TBC1D5: variants seen among roughly 807,000 people sequenced by gnomAD.
TBC1D5 encodes TBC1 domain family, member 5.
A neutral mutation model predicts 100.3 loss-of-function variants in TBC1D5; 75 were observed. That is an observed-to-expected ratio of 0.75 (90% confidence interval 0.62 to 0.91). The LOEUF (loss-of-function observed/expected upper bound fraction) is 0.91, where lower values mean the gene tolerates loss of function less well. Among genes scored for constraint, TBC1D5 ranks in the 40% least tolerant of loss-of-function variants. TBC1D5 has a pLI of 0.00. For missense variants in TBC1D5, 910 were observed against 942.4 expected, an observed-to-expected ratio of 0.97 and a Z score of 0.45; for synonymous variants, 323 against 325.6, an observed-to-expected ratio of 0.99 and a Z score of 0.09.
chr3:17,654,522 G>C (rs917296043), intron 1 of TBC1D5, among the ~76,000 whole-genome samples: 1 of 152,128 alleles, frequency 6.6e-6, no homozygotes, highest in Non-Finnish European at 1.5e-5. Context: ...ACTTGATCAT[G>C]GTGGATAAGC....
chr3:17,374,344 A>G (rs1257856834), intron 12 of TBC1D5, 127 bp downstream of exon 12: 1 of 811,282 alleles, frequency 1.2e-6, no homozygotes, highest in African/African-American at 1.7e-5. Flanking sequence ...ATCTTATTCC[A>G]TAGGTAATTT....
chr3:17,574,382 G>C (rs1376866856), intron 2 of TBC1D5, among the ~76,000 whole-genome samples: 1 of 151,964 alleles, frequency 6.6e-6, no homozygotes, highest in Non-Finnish European at 1.5e-5. Flanking sequence ...CACCATTGCA[G>C]CTTCTTCAAT....
rs561288884 is a variant in TBC1D5 at position 17,459,440 on chromosome 3, G to A, written c.98-30921C>T. 2.6e-4 allele frequency among the ~76,000 whole-genome samples: 39 copies of A among 152,300 alleles called. No homozygotes were observed. The South Asian group carries it at 5.0e-3, about 19-fold the overall frequency. Reference sequence around the variant, plus strand: ...TGGTAGTGATGCTCACTTGTCTGTCGCTCACCTCTGGCTGTGACCGGTTCC... The same window carrying A: ...TGGTAGTGATGCTCACTTGTCTGTCACTCACCTCTGGCTGTGACCGGTTCC... On this transcript the variant is annotated intron_variant, in intron 3 of 21. Transcript: ENST00000253692.
At chr3:17,656,366 T>TAG (rs2066063943) in intron 1 of TBC1D5, among the ~76,000 whole-genome samples, 3 of 152,192 alleles carry the variant, frequency 2.0e-5, no homozygotes, top group Non-Finnish European at 2.9e-5. Flanking sequence ...GAAACCTCCC[T>TAG]TCTGCCTTAG....
chr3:17,655,266 T>C (rs1271509207), intron 1 of TBC1D5, among the ~76,000 whole-genome samples: 1 of 125,920 alleles, frequency 7.9e-6, no homozygotes, highest in Non-Finnish European at 1.6e-5. Context: ...TGAGAACACA[T>C]GGACACAGGA....
chr3:17,718,512 G>A (rs1250591797), intron 1 of TBC1D5, among the ~76,000 whole-genome samples: 1 of 152,106 alleles, frequency 6.6e-6, no homozygotes, highest in African/African-American at 2.4e-5. Context: ...CAGGAAAATG[G>A]CATGAACCCT....
intron 2 of TBC1D5, among the ~76,000 whole-genome samples, chr3:17,529,651 T>C (rs2096191075): frequency 6.6e-6 from 1 of 151,320 alleles, no homozygotes; most frequent in South Asian, 2.1e-4. Flanking sequence ...TTATTATTAT[T>C]TTTATTTTTT....
chr3:17,473,047 C>CA (rs1225566880), intron 3 of TBC1D5, among the ~76,000 whole-genome samples: 1 of 151,890 alleles, frequency 6.6e-6, no homozygotes, highest in African/African-American at 2.4e-5. Flanking sequence ...AAATTTTATC[C>CA]AAAAAAATTA....
At chr3:17,271,250 G>C (rs1197936425) in intron 15 of TBC1D5, among the ~76,000 whole-genome samples, 2 of 152,112 alleles carry the variant, frequency 1.3e-5, no homozygotes, top group Non-Finnish European at 2.9e-5. Context: ...TCCATAGCCT[G>C]GAATGTTTTT....
At chr3:17,682,207 G>A (rs1482349751) in intron 1 of TBC1D5, among the ~76,000 whole-genome samples, 1 of 151,304 alleles carries the variant, frequency 6.6e-6, no homozygotes, top group African/African-American at 2.5e-5. Flanking sequence ...AGCATTTTGG[G>A]AGGCCAAGAC....
chr3:17,715,351 A>C (rs1398571830), intron 1 of TBC1D5, among the ~76,000 whole-genome samples: 1 of 152,124 alleles, frequency 6.6e-6, no homozygotes, highest in African/African-American at 2.4e-5. Flanking sequence ...TCTGTGACTT[A>C]CTCTCATTTC....
intron 13 of TBC1D5, among the ~76,000 whole-genome samples, chr3:17,321,136 T>C (rs1056711155): frequency 6.6e-6 from 1 of 152,238 alleles, no homozygotes; most frequent in African/African-American, 2.4e-5. Flanking sequence ...GGCCCAATCA[T>C]AGCTCACTAC....
chr3:17,713,203 T>A (rs2074913076), intron 1 of TBC1D5, among the ~76,000 whole-genome samples: 1 of 152,096 alleles, frequency 6.6e-6, no homozygotes. Flanking sequence ...ATAAACTGGG[T>A]ATCATCAAAA....
At chr3:17,702,251 AC>A (rs1246823150) in intron 1 of TBC1D5, 1 of 152,150 alleles carries the variant, frequency 6.6e-6, no homozygotes, top group African/African-American at 2.4e-5. Context: ...CATTTAAAAG[AC>A]CCTGCTAAGA....
intron 2 of TBC1D5, among the ~76,000 whole-genome samples, chr3:17,609,030 G>A (rs991764960): frequency 6.6e-6 from 1 of 152,012 alleles, no homozygotes; most frequent in South Asian, 2.1e-4. Flanking sequence ...AGAATCATCT[G>A]GAAATCTGCA....
At chr3:17,703,436 A>C (rs904424189) in intron 1 of TBC1D5, among the ~76,000 whole-genome samples, 16 of 152,166 alleles carry the variant, frequency 1.1e-4, no homozygotes, top group Admixed American at 9.8e-4. Flanking sequence ...GATATATTAA[A>C]CATTAATATA....
chr3:17,475,889 A>T (rs1445817067), intron 3 of TBC1D5, among the ~76,000 whole-genome samples: 31 of 152,132 alleles, frequency 2.0e-4, no homozygotes, highest in African/African-American at 7.5e-4. Flanking sequence ...AACGTAACAG[A>T]GCTCACGTTT....
chr3:17,221,063 TG>T (rs1002182511), intron 17 of TBC1D5, among the ~76,000 whole-genome samples: 2 of 152,112 alleles, frequency 1.3e-5, no homozygotes, highest in Admixed American at 6.6e-5. Context: ...TACTTCTTCT[TG>T]GGTCAATTTT....
At chr3:17,734,217 A>T (rs915539008) in intron 1 of TBC1D5, among the ~76,000 whole-genome samples, 9 of 152,354 alleles carry the variant, frequency 5.9e-5, no homozygotes, top group African/African-American at 2.2e-4. Context: ...GTATTTTCTA[A>T]TACACTATAT....
Sources: allele counts gnomAD v4.1 joint callset (sites outside exome capture counted in the v4.1 genomes callset), GRCh38; gene constraint gnomAD v4.1.1; transcripts MANE v1.5; gene names NCBI Gene and HGNC (gene_info 2026-07-23, HGNC 2026-07-21).